The following BEGAIN variants were observed in gnomAD, a reference collection of about 807,000 sequenced individuals.
BEGAIN encodes the protein brain enriched guanylate kinase associated, also known as brain-enriched guanylate kinase-associated protein.
A neutral mutation model predicts 35.8 loss-of-function variants in BEGAIN; 19 were observed. The observed-to-expected ratio is 0.53, with a 90% CI of 0.37 to 0.78. BEGAIN has a LOEUF of 0.78. BEGAIN is among the 30% of genes least tolerant of loss of function. The pLI is 0.00. For synonymous variants in BEGAIN, 462 were observed against 388.6 expected (o/e 1.19, Z -2.22); for missense variants, 795 against 853.6 (o/e 0.93, Z 0.85).
intron 2 of BEGAIN, among the ~76,000 whole-genome samples, chr14:100,562,756 G>A (rs897418645): frequency 6.6e-6 from 1 of 152,160 alleles, no homozygotes; most frequent in Non-Finnish European, 1.5e-5. Flanking sequence ...GAGCCACGCT[G>A]TACAGGTCAC....
At position 100,539,209 on chromosome 14, in the gene BEGAIN, C is replaced by A; in HGVS notation, c.599G>T (p.Cys200Phe). 6.3e-7 allele frequency: 1 copy of A among 1,583,060 alleles called. No homozygotes were observed. Among genetic ancestry groups the A allele is most frequent in the South Asian group, 1.2e-5 (1 of 86,070 alleles). The change falls in exon 7 of 7, where the codon TGC (cysteine) becomes TTC (phenylalanine). Residue 200 changes from cysteine to phenylalanine, a missense_variant. Physicochemically the swap from Cys to Phe is radical, Grantham distance 205. Around this residue, in one of 3 missense-constraint regions of BEGAIN, gnomAD observed 664 missense variants for 647.7 expected, o/e 1.03. Coordinates refer to ENST00000554140, the MANE Select transcript of BEGAIN (RefSeq NM_001385089.1). Reference sequence around the variant, plus strand: ...CTTCTCCAGCACCTTGGCAATGACGCAGGTGGGGACGCTGTCGGCGTAGGC... The same window carrying A: ...CTTCTCCAGCACCTTGGCAATGACGAAGGTGGGGACGCTGTCGGCGTAGGC... ...HPAYADSVPT[C>F]VIAKVLEKPD...
chr14:100,545,390 T>G, intron 3 of BEGAIN: 1 of 1,165,742 alleles, frequency 8.6e-7, no homozygotes, highest in Non-Finnish European at 1.1e-6. Context: ...TTTACTCACA[T>G]TTGACCCACA....
intron 2 of BEGAIN, among the ~76,000 whole-genome samples, chr14:100,566,464 A>G (rs998324546): frequency 6.6e-6 from 1 of 152,124 alleles, no homozygotes; most frequent in Non-Finnish European, 1.5e-5. Flanking sequence ...AGGGCACCCC[A>G]TGAATGCTAA....
In BEGAIN at chr14:100,537,846, A is replaced by T. The variant is rs2030784018; in HGVS notation, c.*123T>A. 1 of 1,388,868 alleles carries T rather than the reference A, an allele frequency of 7.2e-7. No homozygotes were observed. Among genetic ancestry groups the T allele is most frequent in the Non-Finnish European group, 9.5e-7 (1 of 1,055,838 alleles). The allele number at this position is 1,388,868 out of a possible 1,614,324, so 86.0% of individuals were successfully genotyped here. A position where few individuals can be genotyped will look rare whatever the true frequency, so the allele number is the denominator to read the frequency against. ...GGGGAGGAGAGGAGGTGCGGGGAGG[A>T]ACAGACTCCTCGTTGTTGGCCGGGG... On this transcript the variant is annotated 3_prime_UTR_variant, in exon 7 of 7. Transcript: ENST00000554140.
chr14:100,582,024 G>A (rs75854552), intron 1 of BEGAIN, among the ~76,000 whole-genome samples: 3,743 of 152,358 alleles, frequency 0.025, 159 homozygotes, highest in African/African-American at 0.084. Context: ...GAGGGGTCTC[G>A]GGTAAACCCC....
In BEGAIN at chr14:100,568,748, C is replaced by A. The variant is rs1316803026; in HGVS notation, c.43-809G>T. On this transcript the variant is annotated intron_variant, in intron 1 of 6. Transcript: ENST00000554140. This position sits in a 1 kb window ranked among gnomAD's most constrained non-coding sequence, Gnocchi z 7.5. ...CGACGGGGACCGCGAGCGGCCCGGG[C>A]GGGATCGCACTTCCTGCGTGGAGCT... Among the ~76,000 whole-genome samples, 1 of 151,836 alleles carries A rather than the reference C, an allele frequency of 6.6e-6. No individual in the cohort carries two copies. Among genetic ancestry groups the A allele is most frequent in the Non-Finnish European group, 1.5e-5 (1 of 67,902 alleles).
chr14:100,546,525 T>C lies in BEGAIN; in HGVS notation c.209A>G (p.Glu70Gly), dbSNP rs1325701083. 1 of 1,567,860 alleles carries C rather than the reference T, an allele frequency of 6.4e-7. No homozygotes were observed. Among genetic ancestry groups the C allele is most frequent in the Admixed American group, 1.8e-5 (1 of 55,698 alleles). Residue 70 changes from glutamate to glycine, a missense_variant, in exon 3 of 7, where the codon GAG (glutamate) becomes GGG (glycine). By Grantham distance (98) the Glu-to-Gly change is moderately conservative (BLOSUM62 -2). Coordinates refer to ENST00000554140, the MANE Select transcript of BEGAIN (RefSeq NM_001385089.1). ...CCTGCGCAGCTTCTCCGTGACCTTC[T>C]CCAGTTCCTCCTGCGCGCGCCGCAG... ...IELRRAQEELEKVTEKLRRIQ... is the reference protein window; with the variant it reads ...IELRRAQEELGKVTEKLRRIQ...
At position 100,538,927 on chromosome 14, in the gene BEGAIN, G is replaced by A. The variant is rs139028547; in HGVS notation, c.881C>T (p.Ala294Val). The change falls in exon 7 of 7, where the codon GCG becomes GTG. Residue 294 changes from alanine to valine, a missense_variant. Physicochemically the swap from Ala to Val is moderately conservative, Grantham distance 64. Transcript: ENST00000554140. ...SAAEEEEEAE[A>V]AAFPAGFQHE... ...CTGGAAGCCCGCCGGGAAGGCCGCC[G>A]CCTCGGCCTCCTCCTCCTCCTCGGC... is the stretch of plus-strand genomic sequence containing the variant. The A allele has an allele frequency of 5.6e-6, 9 of 1,607,938 alleles. No homozygotes were observed. Among genetic ancestry groups the A allele is most frequent in the South Asian group, 4.4e-5 (4 of 90,736 alleles).
intron 2 of BEGAIN, among the ~76,000 whole-genome samples, chr14:100,561,168 G>GCCTA (rs2034218409): frequency 6.6e-6 from 1 of 152,178 alleles, no homozygotes; most frequent in Non-Finnish European, 1.5e-5. Flanking sequence ...AGTGCAGACA[G>GCCTA]CCTAGGGTGC....
At chr14:100,578,858 T>TTA (rs1157092192) in intron 1 of BEGAIN, among the ~76,000 whole-genome samples, 6 of 143,504 alleles carry the variant, frequency 4.2e-5, no homozygotes, top group Admixed American at 4.1e-4. Context: ...CTCTGGTACT[T>TTA]TTTTTTTTTT....
At chr14:100,551,797 C>T (rs1223509461) in intron 2 of BEGAIN, among the ~76,000 whole-genome samples, 2 of 152,064 alleles carry the variant, frequency 1.3e-5, no homozygotes, top group African/African-American at 4.8e-5. Context: ...ACGAGTCGCA[C>T]ATTGATCACT....
At chr14:100,566,303 C>A (rs1261673382) in intron 2 of BEGAIN, among the ~76,000 whole-genome samples, 1 of 152,248 alleles carries the variant, frequency 6.6e-6, no homozygotes, top group Non-Finnish European at 1.5e-5. Flanking sequence ...CCACCTGGCA[C>A]ACCTGCCTAC....
rs758609831 is a variant in BEGAIN at position 100,538,089 on chromosome 14, C to G, written c.1719G>C (p.Pro573=). 6 of 1,586,218 alleles carry G rather than the reference C, an allele frequency of 3.8e-6. No homozygotes were observed. The African/African-American group carries it at 8.1e-5, about 21-fold the overall frequency. ...SLEPSSMEAS[P]EMHPAARLSP... Reference sequence around the variant, plus strand: ...TGAGGCGGGCGGCAGGATGCATTTCCGGGGAGGCCTCCATGGAGCTCGGCT... The same window carrying G: ...TGAGGCGGGCGGCAGGATGCATTTCGGGGGAGGCCTCCATGGAGCTCGGCT... The change falls in exon 7 of 7, where the codon CCG becomes CCC. Residue 573 remains proline (P), a synonymous_variant. Transcript: ENST00000554140.
At chr14:100,580,358 GACA>G (rs756852954) in intron 1 of BEGAIN, among the ~76,000 whole-genome samples, 2 of 152,114 alleles carry the variant, frequency 1.3e-5, no homozygotes, top group East Asian at 3.9e-4. Flanking sequence ...CAGGTGACTA[GACA>G]ACGTCACACC....
intron 1 of BEGAIN, among the ~76,000 whole-genome samples, chr14:100,579,806 C>T (rs566515152): frequency 6.6e-6 from 1 of 152,316 alleles, no homozygotes; most frequent in South Asian, 2.1e-4. Context: ...TTCCCTCTTC[C>T]CTGTCCCCGC....
At position 100,546,481 on chromosome 14, in the gene BEGAIN, G is replaced by A; in HGVS notation, c.233+20C>T. The A allele has an allele frequency of 7.4e-7, 1 of 1,345,958 alleles. No individual in the cohort carries two copies. The highest frequency in any genetic ancestry group is 1.5e-5 in the South Asian group (1 of 68,920). 83.4% of individuals were successfully genotyped at this position (1,345,958 alleles called of 1,614,324 possible). On this transcript the variant is annotated intron_variant, in intron 3 of 6. Transcript: ENST00000554140. ...CCGCCCCGGCCCTCGCCCCGCCCCG[G>A]CCCTCGCCCCGCCCCTCACCTGCGC...
Position 100,538,554 on chromosome 14 carries a change from G to C in BEGAIN, c.1254C>G (p.Ser418Arg). Residue 418 changes from serine to arginine, a missense_variant, in exon 7 of 7, where the codon AGC (serine) becomes AGG (arginine). Physicochemically the swap from Ser to Arg is moderately radical, Grantham distance 110 (BLOSUM62 -1). Transcript: ENST00000554140. ...GGGCGGTCCCCGGCTTGGCCCGCAG[G>C]CTCCACAGGTTTGGGGGCATCAGGG... ...QQALMPPNLW[S>R]LRAKPGTARL... The C allele has an allele frequency of 6.6e-7, 1 of 1,521,064 alleles. No individual in the cohort carries two copies. The highest frequency in any genetic ancestry group is 8.8e-7 in the Non-Finnish European group (1 of 1,135,150). The allele number at this position is 1,521,064 out of a possible 1,614,324, so 94.2% of individuals were successfully genotyped here. A position where few individuals can be genotyped will look rare whatever the true frequency, so the allele number is the denominator to read the frequency against.
At position 100,538,311 on chromosome 14, in the gene BEGAIN, GT is replaced by G. The variant is rs771761830; in HGVS notation, c.1496del (p.Asp499AlafsTer20). 6.6e-7 allele frequency: 1 copy of G among 1,526,010 alleles called. No individual in the cohort carries two copies. The highest frequency in any genetic ancestry group is 8.7e-7 in the Non-Finnish European group (1 of 1,144,834). 94.5% of individuals were successfully genotyped at this position (1,526,010 alleles called of 1,614,324 possible). ...CTGCCAGGTGGCCCTGGGAGAGGTC[GT>G]CCCCCTCGGAGAAGCTGTCGGCCTT... ...SYKADSFSEG[D>X]DLSQGHLAEP... On this transcript the variant is annotated frameshift_variant, in exon 7 of 7. Coordinates refer to ENST00000554140, the MANE Select transcript of BEGAIN (RefSeq NM_001385089.1). LOFTEE classifies it high-confidence loss of function.
chr14:100,552,352 TAAC>T (rs373629314), intron 2 of BEGAIN, among the ~76,000 whole-genome samples: 70 of 152,244 alleles, frequency 4.6e-4, no homozygotes, highest in Admixed American at 1.4e-3. Context: ...CTGAGCCAGG[TAAC>T]AACACTTGGA....
Sources: allele counts gnomAD v4.1 joint callset (sites outside exome capture counted in the v4.1 genomes callset), GRCh38; gene constraint gnomAD v4.1.1; regional missense constraint gnomAD v4.1.1; non-coding constraint Gnocchi (gnomAD v3.1); transcripts MANE v1.5; gene names NCBI Gene and HGNC (gene_info 2026-07-23, HGNC 2026-07-21).